Variants in KCNIP4 observed in about 807,000 individuals in gnomAD.
The protein encoded by KCNIP4 is potassium voltage-gated channel interacting protein 4.
A neutral mutation model predicts 34.0 loss-of-function variants in KCNIP4; 12 were observed. That is an observed-to-expected ratio of 0.35 (90% CI 0.23 to 0.57). KCNIP4 has a LOEUF of 0.57. Ranked by LOEUF, KCNIP4 falls within the 20% of genes least tolerant of loss-of-function variation. The pLI is 0.83. For synonymous variants in KCNIP4, 124 were observed against 102.2 expected (o/e 1.21, Z -1.29); for missense variants, 238 against 311.7 (o/e 0.76, Z 1.78).
intron 1 of KCNIP4, among the ~76,000 whole-genome samples, chr4:20,964,107 A>C (rs1171760385): frequency 1.3e-5 from 2 of 152,288 alleles, no homozygotes; most frequent in East Asian, 1.9e-4. Flanking sequence ...AGAACCTATA[A>C]GTATTTTACA....
intron 1 of KCNIP4, among the ~76,000 whole-genome samples, chr4:21,374,508 C>A (rs1205360744): frequency 6.8e-6 from 1 of 146,998 alleles, no homozygotes; most frequent in Non-Finnish European, 1.5e-5. Flanking sequence ...ATTATGGGAG[C>A]TACAATTCAA....
At chr4:20,952,731 G>A (rs1732906934) in intron 1 of KCNIP4, among the ~76,000 whole-genome samples, 1 of 152,164 alleles carries the variant, frequency 6.6e-6, no homozygotes, top group Non-Finnish European at 1.5e-5. Context: ...TTGGATGTGA[G>A]GACTCTGAAA....
At chr4:20,919,425 C>G (rs1026435770) in intron 1 of KCNIP4, among the ~76,000 whole-genome samples, 1 of 148,576 alleles carries the variant, frequency 6.7e-6, no homozygotes, top group African/African-American at 2.5e-5. Flanking sequence ...AAAGATAGAT[C>G]GGGCGCGGTG....
At chr4:21,372,519 C>A (rs11942276) in intron 1 of KCNIP4, among the ~76,000 whole-genome samples, 2 of 146,716 alleles carry the variant, frequency 1.4e-5, no homozygotes. Context: ...CTGTTTCATG[C>A]GTTAAAGATT....
chr4:21,669,827 C>T (rs1347998465), intron 1 of KCNIP4, among the ~76,000 whole-genome samples: 2 of 152,126 alleles, frequency 1.3e-5, no homozygotes, highest in East Asian at 3.8e-4. Flanking sequence ...AGGCTGAAAG[C>T]ATTTGGGGTG....
At chr4:21,501,986 T>C (rs1299327926) in intron 1 of KCNIP4, among the ~76,000 whole-genome samples, 2 of 102,326 alleles carry the variant, frequency 2.0e-5, no homozygotes, top group Admixed American at 1.0e-4. Flanking sequence ...CTCTCTCTCA[T>C]GCACACGCAC....
chr4:20,938,160 G>C (rs1731267084), intron 1 of KCNIP4, among the ~76,000 whole-genome samples: 1 of 150,632 alleles, frequency 6.6e-6, no homozygotes, highest in Admixed American at 6.6e-5. Flanking sequence ...TGCTTACGTT[G>C]AATCTTCTCT....
chr4:21,408,481 A>C (rs1159682452), intron 1 of KCNIP4, among the ~76,000 whole-genome samples: 1 of 152,164 alleles, frequency 6.6e-6, no homozygotes, highest in Admixed American at 6.6e-5. Flanking sequence ...GAAGGAGAAA[A>C]AGAGTAGAGT....
chr4:21,841,644 C>A (rs1257049350), intron 1 of KCNIP4, among the ~76,000 whole-genome samples: 1 of 152,022 alleles, frequency 6.6e-6, no homozygotes, highest in Non-Finnish European at 1.5e-5. Context: ...GAATTCCAAG[C>A]AAATCATTGA....
chr4:21,429,287 A>G (rs981780137), intron 1 of KCNIP4, among the ~76,000 whole-genome samples: 2 of 151,388 alleles, frequency 1.3e-5, no homozygotes, highest in African/African-American at 4.9e-5. Flanking sequence ...ATATGCATTT[A>G]AGGTCCCTCC....
chr4:20,749,420 T>C (rs1264292963), intron 5 of KCNIP4, among the ~76,000 whole-genome samples: 1 of 152,136 alleles, frequency 6.6e-6, no homozygotes, highest in Non-Finnish European at 1.5e-5. Flanking sequence ...ACTTTTCACA[T>C]GTAATTGAAG....
intron 3 of KCNIP4, among the ~76,000 whole-genome samples, chr4:20,831,627 A>T (rs1035476489): frequency 6.6e-6 from 1 of 152,204 alleles, no homozygotes; most frequent in African/African-American, 2.4e-5. Context: ...GCATGCCTTC[A>T]TTGTTTTCAA....
At chr4:21,495,464 C>T (rs1732773951) in intron 1 of KCNIP4, among the ~76,000 whole-genome samples, 1 of 151,930 alleles carries the variant, frequency 6.6e-6, no homozygotes, top group African/African-American at 2.4e-5. Flanking sequence ...TGGAGGAGGG[C>T]AGGAGTCTGG....
intron 1 of KCNIP4, among the ~76,000 whole-genome samples, chr4:20,914,008 T>G (rs1432589100): frequency 6.6e-6 from 1 of 151,870 alleles, no homozygotes; most frequent in Admixed American, 6.6e-5. Flanking sequence ...ATACAAAAAA[T>G]TAGCCAGGTG....
intron 1 of KCNIP4, among the ~76,000 whole-genome samples, chr4:21,866,762 A>ATTTTTTTTTTTTTTTTT (rs770568451): frequency 1.2e-5 from 1 of 82,698 alleles, no homozygotes; most frequent in African/African-American, 4.8e-5. Flanking sequence ...TTCAGCCTGG[A>ATTTTTTTTTTTTTTTTT]TTTTTTTTTT....
At chr4:20,863,571 C>G (rs983629465) in intron 2 of KCNIP4, among the ~76,000 whole-genome samples, 1 of 152,136 alleles carries the variant, frequency 6.6e-6, no homozygotes, top group African/African-American at 2.4e-5. Flanking sequence ...GGAGTCTTTT[C>G]TAGAAAGGGC....
chr4:21,729,509 C>G (rs13107513), intron 1 of KCNIP4, among the ~76,000 whole-genome samples: 46,049 of 151,498 alleles, frequency 0.3, 8,227 homozygotes, highest in East Asian at 0.68. Context: ...TGTCCTTTCA[C>G]ATAAATGCAC....
intron 1 of KCNIP4, among the ~76,000 whole-genome samples, chr4:21,502,158 A>C (rs1279859793): frequency 6.6e-6 from 1 of 152,144 alleles, no homozygotes; most frequent in Non-Finnish European, 1.5e-5. Context: ...TACTTTATAA[A>C]AATTGTAATA....
At chr4:20,751,910 T>A (rs2149344748) in intron 4 of KCNIP4, among the ~76,000 whole-genome samples, 1 of 152,258 alleles carries the variant, frequency 6.6e-6, no homozygotes, top group East Asian at 1.9e-4. Flanking sequence ...GTTTTGATAA[T>A]AGCATAGTGG....
Sources: allele counts gnomAD v4.1 joint callset (sites outside exome capture counted in the v4.1 genomes callset), GRCh38; gene constraint gnomAD v4.1.1; transcripts MANE v1.5; gene names NCBI Gene and HGNC (gene_info 2026-07-23, HGNC 2026-07-21).